Variants in ABRACL observed in about 807,000 individuals in gnomAD.
ABRACL encodes the protein costars family protein ABRACL.
A neutral mutation model predicts 7.0 loss-of-function variants in ABRACL; 4 were observed. The ratio of observed to expected loss-of-function variants is 0.57; its 90% confidence interval spans 0.28 to 1.30. The LOEUF is 1.30. Among genes scored for constraint, ABRACL ranks in the 50% most tolerant of loss-of-function variants. The pLI, the probability that ABRACL is intolerant of heterozygous loss-of-function variation, is 0.10. For missense variants in ABRACL, 104 were observed against 97.3 expected, an observed-to-expected ratio of 1.07 and a Z score of -0.29; for synonymous variants, 30 against 36.0, an observed-to-expected ratio of 0.83 and a Z score of 0.60.
chr6:139,033,035 C>T (rs1562218780), intron 1 of ABRACL, among the ~76,000 whole-genome samples: 1 of 152,230 alleles, frequency 6.6e-6, no homozygotes, highest in Non-Finnish European at 1.5e-5. Flanking sequence ...GGGAGGTGCT[C>T]CTCCTCCACG....
rs765223279 is a variant in ABRACL, at chr6:139,042,726, T to A, written c.69T>A (p.Asp23Glu). 2 of 1,610,448 alleles carry A rather than the reference T, an allele frequency of 1.2e-6. No homozygotes were observed. Among genetic ancestry groups the A allele is most frequent in the African/African-American group, 2.7e-5 (2 of 74,828 alleles). Residue 23 changes from aspartate (D) to glutamate (E), a missense_variant, in exon 3 of 3, where the codon GAT becomes GAA. Coordinates refer to ENST00000367660, the MANE Select transcript of ABRACL (RefSeq NM_021243.3). ...TGTATTTTCTCAAACTAGATGCTGATGGAAAGTTAAGCGTGAAATTTGGGG... is the reference window on the plus strand; with the variant it reads ...TGTATTTTCTCAAACTAGATGCTGAAGGAAAGTTAAGCGTGAAATTTGGGG... ...EIHRLGSKNA[D>E]GKLSVKFGVL...
chr6:139,040,078 C>T (rs1057206824), intron 2 of ABRACL, among the ~76,000 whole-genome samples: 4 of 151,922 alleles, frequency 2.6e-5, no homozygotes, highest in Non-Finnish European at 4.4e-5. Context: ...AGCAACAGAT[C>T]GACACCCTGT....
intron 2 of ABRACL, among the ~76,000 whole-genome samples, chr6:139,041,200 T>C (rs895528178): frequency 2.6e-5 from 4 of 152,040 alleles, no homozygotes; most frequent in African/African-American, 9.7e-5. Context: ...CATGAAGTCT[T>C]CCTTACCATT....
chr6:139,032,435 G>T (rs575541475), intron 1 of ABRACL, among the ~76,000 whole-genome samples: 78 of 152,306 alleles, frequency 5.1e-4, no homozygotes, highest in African/African-American at 1.8e-3. Context: ...TTATGAAGAT[G>T]CATTTAATTG....
intron 2 of ABRACL, among the ~76,000 whole-genome samples, chr6:139,036,149 C>T (rs1031884433): frequency 6.6e-6 from 1 of 151,568 alleles, no homozygotes; most frequent in Non-Finnish European, 1.5e-5. Flanking sequence ...CCATGTTGGC[C>T]AGGCTGGTCA....
intron 2 of ABRACL, among the ~76,000 whole-genome samples, chr6:139,039,917 C>T (rs1490263794): frequency 1.3e-5 from 2 of 152,044 alleles, no homozygotes; most frequent in African/African-American, 2.4e-5. Flanking sequence ...TTTGAGACCT[C>T]GTCTTTATTA....
At chr6:139,029,410 C>T (rs1554210479) in intron 1 of ABRACL, among the ~76,000 whole-genome samples, 5 of 151,888 alleles carry the variant, frequency 3.3e-5, no homozygotes, top group Non-Finnish European at 7.4e-5. Context: ...TTTCGTCGCC[C>T]GGGTTGGGTG....
intron 2 of ABRACL, chr6:139,034,703 C>A (rs2114304123): frequency 4.7e-6 from 1 of 211,388 alleles, no homozygotes; most frequent in Admixed American, 5.2e-5. Flanking sequence ...TCTTTATTTT[C>A]TCCAAATCTT....
intron 2 of ABRACL, among the ~76,000 whole-genome samples, chr6:139,041,513 GTA>G (rs1554211144): frequency 2.3e-5 from 1 of 43,094 alleles, no homozygotes; most frequent in African/African-American, 8.7e-5. Context: ...GTGTGTGTGT[GTA>G]TATATATATA....
intron 2 of ABRACL, among the ~76,000 whole-genome samples, chr6:139,040,031 G>A (rs752638793): frequency 1.4e-4 from 22 of 152,100 alleles, no homozygotes; most frequent in Admixed American, 2.0e-4. Context: ...GTTCGAGGTT[G>A]CAGTGAGCTG....
At chr6:139,034,510 G>A (rs1036372875) in intron 2 of ABRACL, 32 of 1,210,786 alleles carry the variant, frequency 2.6e-5, no homozygotes, top group Middle Eastern at 5.9e-4. Flanking sequence ...TTGAAATTTG[G>A]TAATTGAATC....
intron 1 of ABRACL, 45 bp downstream of exon 1, chr6:139,028,920 A>AC: frequency 6.6e-6 from 1 of 152,248 alleles, no homozygotes; most frequent in African/African-American, 2.4e-5. Context: ...GCAGGGATGG[A>AC]CTGGGTGTCC....
chr6:139,041,234 C>T (rs1786238206), intron 2 of ABRACL, among the ~76,000 whole-genome samples: 1 of 151,894 alleles, frequency 6.6e-6, no homozygotes, highest in African/African-American at 2.4e-5. Flanking sequence ...ATCTTGCCCT[C>T]CTCTAAACTG....
chr6:139,035,602 C>G (rs1264959631), intron 2 of ABRACL, among the ~76,000 whole-genome samples: 1 of 151,986 alleles, frequency 6.6e-6, no homozygotes, highest in Non-Finnish European at 1.5e-5. Context: ...CCTGCCTCAG[C>G]CTCCCAAGTA....
At chr6:139,031,822 C>T (rs1786085094) in intron 1 of ABRACL, among the ~76,000 whole-genome samples, 1 of 152,136 alleles carries the variant, frequency 6.6e-6, no homozygotes, top group African/African-American at 2.4e-5. Context: ...TAAGACTCTA[C>T]CCAGGATACA....
rs112323107 is a variant in ABRACL at position 139,029,192 on chromosome 6, C to T, written c.-7+317C>T. On this transcript the variant is annotated intron_variant, in intron 1 of 2. Coordinates refer to ENST00000367660, the MANE Select transcript of ABRACL (RefSeq NM_021243.3). ...ACCGCGGTGCGACGTGTCGGCTTTG[C>T]ACTTGGCGGTGGTTCAGGAGCCAGT... Among the ~76,000 whole-genome samples the T allele has an allele frequency of 5.4e-3, 828 of 152,178 alleles. 6 individuals carry two copies. The highest frequency in any genetic ancestry group is 0.021 in the Middle Eastern group (6 of 292).
Position 139,042,866 on chromosome 6 carries a change from T to A in ABRACL, c.209T>A (p.Val70Asp). ...CCAGGAGAGCTGCTTCTGCAAGGTGTTCATGATGATGTTGACATTATATTA... is the reference window on the plus strand; with the variant it reads ...CCAGGAGAGCTGCTTCTGCAAGGTGATCATGATGATGTTGACATTATATTA... Reference protein sequence around the residue: ...TYPGELLLQGVHDDVDIILLQ... With the variant: ...TYPGELLLQGDHDDVDIILLQ... Residue 70 changes from valine (V) to aspartate (D), a missense_variant, in exon 3 of 3, where the codon GTT becomes GAT. Transcript: ENST00000367660. 6.2e-7 allele frequency: 1 copy of A among 1,613,422 alleles called. No individual in the cohort carries two copies.
chr6:139,038,294 A>T (rs1285274034), intron 2 of ABRACL, among the ~76,000 whole-genome samples: 1 of 152,234 alleles, frequency 6.6e-6, no homozygotes, highest in Non-Finnish European at 1.5e-5. Flanking sequence ...TAGAAGACTT[A>T]AGATAATTAT....
intron 2 of ABRACL, among the ~76,000 whole-genome samples, chr6:139,038,481 G>T (rs767389641): frequency 4.6e-5 from 7 of 152,118 alleles, no homozygotes; most frequent in Non-Finnish European, 7.4e-5. Context: ...TTTTGCTTTA[G>T]TCTACATATG....
Sources: gnomAD v4.1 joint callset for allele counts (sites outside exome capture counted in the v4.1 genomes callset) on GRCh38, gnomAD v4.1.1 for gene constraint, MANE v1.5 for transcripts, NCBI Gene and HGNC (gene_info 2026-07-23, HGNC 2026-07-21) for gene names.